The following PYHIN1 variants were observed in gnomAD, a reference collection of about 807,000 sequenced individuals.
The protein encoded by PYHIN1 is pyrin and HIN domain family member 1.
A neutral mutation model predicts 43.7 loss-of-function variants in PYHIN1; 32 were observed. That is an observed-to-expected ratio of 0.73 (90% confidence interval 0.55 to 0.98). The LOEUF is 0.98. PYHIN1 is among the 50% of genes least tolerant of loss of function. The pLI is 0.00. For synonymous variants in PYHIN1, 205 were observed against 203.1 expected, an observed-to-expected ratio of 1.01 and a Z score of -0.08; for missense variants, 588 against 589.5, an observed-to-expected ratio of 1.00 and a Z score of 0.03.
rs1216376017 is a variant in PYHIN1 at position 158,933,733 on chromosome 1, A to G, written c.-21+1957A>G. On this transcript the variant is annotated intron_variant, in intron 1 of 8. Transcript: ENST00000368140. This position sits in a 1 kb window ranked among gnomAD's most constrained non-coding sequence, Gnocchi z 6.3. ...TTATATTTCCATCTCACCCTTTAAGACAATTACATTAGTAAACTCATATTC... is the reference window on the plus strand; with the variant it reads ...TTATATTTCCATCTCACCCTTTAAGGCAATTACATTAGTAAACTCATATTC... Among the ~76,000 whole-genome samples the G allele has an allele frequency of 6.6e-6, 1 of 152,072 alleles. No individual in the cohort carries two copies. The highest frequency in any genetic ancestry group is 2.4e-5 in the African/African-American group (1 of 41,436).
chr1:158,955,389 T>C (rs1268396343), intron 7 of PYHIN1, among the ~76,000 whole-genome samples: 1 of 149,234 alleles, frequency 6.7e-6, no homozygotes, highest in Non-Finnish European at 1.5e-5. Context: ...GAACAGAAAT[T>C]ATAACAAACT....
downstream of PYHIN1, among the ~76,000 whole-genome samples, chr1:158,980,744 G>T (rs1443443953): frequency 6.6e-6 from 1 of 152,138 alleles, no homozygotes; most frequent in Non-Finnish European, 1.5e-5. Flanking sequence ...GCTGAACATA[G>T]ACGCTTATCA....
At position 158,938,467 on chromosome 1, in the gene PYHIN1, G is replaced by C; in HGVS notation, c.336G>C (p.Val112=). ...IPSKKTKQKE[V]YPATPACTPS... ...CTAAAAAGACGAAACAGAAAGAAGT[G>C]TATCCTGCTACACCTGCATGCACCC... The change falls in exon 3 of 9, where the codon GTG becomes GTC. Residue 112 remains valine, a synonymous_variant. Transcript: ENST00000368140. 6.2e-7 allele frequency: 1 copy of C among 1,614,172 alleles called. No individual in the cohort carries two copies. The highest frequency in any genetic ancestry group is 8.5e-7 in the Non-Finnish European group (1 of 1,180,022).
At chr1:158,944,646 T>C (rs1318571145) in intron 6 of PYHIN1, among the ~76,000 whole-genome samples, 1 of 152,152 alleles carries the variant, frequency 6.6e-6, no homozygotes, top group Non-Finnish European at 1.5e-5. Context: ...GATTTCATTT[T>C]AAAAAATAAG....
rs375028119 is a variant in PYHIN1 at position 158,968,957 on chromosome 1, T to C, written c.1360-4690T>C. On this transcript the variant is annotated intron_variant, in intron 7 of 8. Transcript: ENST00000368140. The stretch of plus-strand genomic sequence containing the variant: ...AATTCTTAGTGGGTATCAAGCTTAA[T>C]ACCTGGGTGATGAAATAATCTGTCC... Among the ~76,000 whole-genome samples, 22 of 152,072 alleles carry C rather than the reference T, an allele frequency of 1.4e-4. 1 individual carries two copies. The South Asian group carries it at 4.6e-3, about 32-fold the overall frequency.
Position 158,942,201 on chromosome 1 carries a change from C to G in PYHIN1, c.804C>G (p.Ile268Met), listed in dbSNP as rs762664722. The change falls in exon 5 of 9, where the codon ATC becomes ATG. Residue 268 changes from isoleucine to methionine, a missense_variant. Physicochemically the swap from Ile to Met is conservative, Grantham distance 10 (BLOSUM62 1). Coordinates refer to ENST00000368140, the MANE Select transcript of PYHIN1 (RefSeq NM_152501.5). ...AGAGGAAATTCATTAAAAAGAGAATCATCATTATATCAAATTATTCCAAAC... is the reference window on the plus strand; with the variant it reads ...AGAGGAAATTCATTAAAAAGAGAATGATCATTATATCAAATTATTCCAAAC... ...NLKRKFIKKR[I>M]IIISNYSKRN... 6.2e-7 allele frequency: 1 copy of G among 1,613,922 alleles called. No individual in the cohort carries two copies. Among genetic ancestry groups the G allele is most frequent in the Non-Finnish European group, 8.5e-7 (1 of 1,179,896 alleles).
chr1:158,941,058 T>C (rs974218623), intron 4 of PYHIN1, among the ~76,000 whole-genome samples: 6 of 152,160 alleles, frequency 3.9e-5, no homozygotes, highest in African/African-American at 1.4e-4. Context: ...TTTTCTGTTT[T>C]AGGCTGAATG....
At chr1:158,952,794 C>A (rs139731961) in intron 7 of PYHIN1, among the ~76,000 whole-genome samples, 129 of 152,320 alleles carry the variant, frequency 8.5e-4, no homozygotes, top group African/African-American at 3.0e-3. Context: ...CAGCTCCCAG[C>A]GTAAGCGACG....
rs1403591079 is a variant in PYHIN1 at position 158,937,094 on chromosome 1, T to A, written c.184T>A (p.Leu62Met). 6.2e-7 allele frequency: 1 copy of A among 1,614,014 alleles called. No homozygotes were observed. Among genetic ancestry groups the A allele is most frequent in the Non-Finnish European group, 8.5e-7 (1 of 1,179,966 alleles). The change falls in exon 2 of 9, where the codon TTG becomes ATG. Residue 62 changes from leucine (L) to methionine (M), a missense_variant. Physicochemically the swap from Leu to Met is conservative, Grantham distance 15. Transcript: ENST00000368140. Reference sequence around the variant, plus strand: ...GGAAAAGTTCCCAGGTGATGCCGGTTTGGGCAAACTAATAGAATTCTTCAA... The same window carrying A: ...GGAAAAGTTCCCAGGTGATGCCGGTATGGGCAAACTAATAGAATTCTTCAA... Reference protein sequence around the residue: ...MEEKFPGDAGLGKLIEFFKEI... With the variant: ...MEEKFPGDAGMGKLIEFFKEI...
chr1:158,986,652 AC>A, the PYHIN1 span, among the ~76,000 whole-genome samples: 9 of 152,314 alleles, frequency 5.9e-5, no homozygotes, highest in East Asian at 1.5e-3. Flanking sequence ...CTCTGATCAA[AC>A]CAGCCCCACC....
chr1:158,965,598 A>T (rs1401261012), intron 7 of PYHIN1, among the ~76,000 whole-genome samples: 1 of 152,186 alleles, frequency 6.6e-6, no homozygotes, highest in Non-Finnish European at 1.5e-5. Flanking sequence ...AATGGCTCCA[A>T]CCATACAATT....
At chr1:158,950,447 G>A (rs1189560512) in intron 7 of PYHIN1, among the ~76,000 whole-genome samples, 1 of 152,058 alleles carries the variant, frequency 6.6e-6, no homozygotes, top group Non-Finnish European at 1.5e-5. Flanking sequence ...ACCAGGTTGG[G>A]TCCTAGCCAC....
intron 6 of PYHIN1, 24 bp from the exon 7 acceptor site, chr1:158,944,851 A>G (rs758419744): frequency 6.6e-7 from 1 of 1,508,066 alleles, no homozygotes; most frequent in East Asian, 2.3e-5. Flanking sequence ...AAAAAACATT[A>G]AACAAAAAAA....
At position 158,964,370 on chromosome 1, in the gene PYHIN1, T is replaced by C. The variant is rs189111749; in HGVS notation, c.1360-9277T>C. Among the ~76,000 whole-genome samples the C allele has an allele frequency of 4.6e-3, 700 of 152,192 alleles. 5 individuals carry two copies. Among genetic ancestry groups the C allele is most frequent in the Admixed American group, 0.014 (219 of 15,282 alleles). On this transcript the variant is annotated intron_variant, in intron 7 of 8. Coordinates refer to ENST00000368140, the MANE Select transcript of PYHIN1 (RefSeq NM_152501.5). ...GGCAAACTTTCAAATTCAGGGTACA[T>C]AGAGAAATCCTGTGAGATACTACAC...
intron 7 of PYHIN1, among the ~76,000 whole-genome samples, chr1:158,952,116 T>G (rs1285213298): frequency 4.0e-5 from 6 of 149,236 alleles, no homozygotes; most frequent in Non-Finnish European, 9.0e-5. Context: ...CGGTTTTTTT[T>G]TTTTTTTTTT....
intron 7 of PYHIN1, among the ~76,000 whole-genome samples, chr1:158,946,291 T>A (rs1649215649): frequency 6.6e-6 from 1 of 152,154 alleles, no homozygotes; most frequent in Non-Finnish European, 1.5e-5. Flanking sequence ...GTGGTAGAAC[T>A]ATGGAAAGTA....
chr1:158,942,424 G>A (rs370111584), intron 5 of PYHIN1, 25 bp downstream of exon 5: 7 of 1,524,138 alleles, frequency 4.6e-6, no homozygotes, highest in South Asian at 2.6e-5. Flanking sequence ...CTATTTTGTG[G>A]CATTTTCTAC....
At chr1:158,939,512 C>T in intron 4 of PYHIN1, 1 of 1,550,740 alleles carries the variant, frequency 6.4e-7, no homozygotes, top group Non-Finnish European at 8.7e-7. Flanking sequence ...GCAACAGACT[C>T]ACTGTCTACT....
chr1:158,943,894 A>G lies in PYHIN1; in HGVS notation c.1107A>G (p.Gly369=). 6.2e-7 allele frequency: 1 copy of G among 1,610,280 alleles called. No homozygotes were observed. Among genetic ancestry groups the G allele is most frequent in the Non-Finnish European group, 8.5e-7 (1 of 1,177,212 alleles). Residue 369 remains glycine (G), a synonymous_variant, in exon 6 of 9, where the codon GGA becomes GGG. Coordinates refer to ENST00000368140, the MANE Select transcript of PYHIN1 (RefSeq NM_152501.5). ...GECHNIPCEK[G]DKLRLFCFRL... The stretch of plus-strand genomic sequence containing the variant: ...GCCACAATATCCCCTGTGAAAAAGG[A>G]GATAAGCTTCGACTCTTCTGCTTTC...
Sources: gnomAD v4.1 joint callset for allele counts (sites outside exome capture counted in the v4.1 genomes callset) on GRCh38, gnomAD v4.1.1 for gene constraint, Gnocchi (gnomAD v3.1) non-coding constraint, MANE v1.5 for transcripts, NCBI Gene and HGNC (gene_info 2026-07-23, HGNC 2026-07-21) for gene names.